CNTN5: variants seen among roughly 807,000 people sequenced by gnomAD.
CNTN5 encodes contactin 5.
A neutral mutation model predicts 129.1 loss-of-function variants in CNTN5; 77 were observed. The observed-to-expected ratio is 0.60, with a 90% CI of 0.50 to 0.72. The LOEUF is 0.72. Among genes scored for constraint, CNTN5 ranks in the 30% least tolerant of loss-of-function variants. CNTN5 has a pLI of 0.00. For synonymous variants in CNTN5, 509 were observed against 465.6 expected (o/e 1.09, Z -1.20); for missense variants, 1,478 against 1,328.8 (o/e 1.11, Z -1.75).
intron 2 of CNTN5, among the ~76,000 whole-genome samples, chr11:99,371,936 T>C (rs184149737): frequency 3.2e-4 from 49 of 152,362 alleles, no homozygotes; most frequent in African/African-American, 1.2e-3. Context: ...TACAAATTTA[T>C]GTACACATGG....
At chr11:100,004,046 TCCC>T (rs1940043512) in intron 9 of CNTN5, 1 of 152,174 alleles carries the variant, frequency 6.6e-6, no homozygotes, top group East Asian at 1.9e-4. Flanking sequence ...CACCATTTCA[TCCC>T]AACATAATCA....
At chr11:99,132,711 C>A (rs936405425) in intron 1 of CNTN5, among the ~76,000 whole-genome samples, 1 of 152,068 alleles carries the variant, frequency 6.6e-6, no homozygotes, top group Non-Finnish European at 1.5e-5. Flanking sequence ...AATGAAGGAC[C>A]TCTTCAAAGA....
intron 3 of CNTN5, among the ~76,000 whole-genome samples, chr11:99,611,500 A>G (rs998898873): frequency 6.6e-6 from 1 of 152,204 alleles, no homozygotes; most frequent in Non-Finnish European, 1.5e-5. Flanking sequence ...AATAAGAGTC[A>G]GTTCAAATTC....
rs1477261863 is a variant in CNTN5 at position 99,382,184 on chromosome 11, A to T, written c.-71+56700A>T. On this transcript the variant is annotated intron_variant, in intron 2 of 24. Transcript: ENST00000524871. ...TGACCTTAAAGCCAGGAAAGATAAT[A>T]GCATCCTTCCAGAACGTGTTGCTAA... is the stretch of plus-strand genomic sequence containing the variant. Among the ~76,000 whole-genome samples the T allele has an allele frequency of 2.6e-5, 4 of 152,198 alleles. No homozygotes were observed. The South Asian group carries it at 8.3e-4, about 32-fold the overall frequency.
At chr11:100,000,345 C>T (rs1241024878) in intron 8 of CNTN5, among the ~76,000 whole-genome samples, 1 of 152,072 alleles carries the variant, frequency 6.6e-6, no homozygotes, top group African/African-American at 2.4e-5. Context: ...AGGCCACAGG[C>T]CACATGCACA....
intron 2 of CNTN5, among the ~76,000 whole-genome samples, chr11:99,452,211 A>G (rs1446141273): frequency 6.6e-6 from 1 of 152,054 alleles, no homozygotes; most frequent in Non-Finnish European, 1.5e-5. Flanking sequence ...AAAATACTGT[A>G]TACAATTGAA....
At chr11:99,947,517 T>C (rs1950578785) in intron 7 of CNTN5, among the ~76,000 whole-genome samples, 1 of 152,142 alleles carries the variant, frequency 6.6e-6, no homozygotes, top group Non-Finnish European at 1.5e-5. Context: ...TAATGAGCAT[T>C]AGTTAAGCCA....
chr11:99,777,308 A>T (rs932847286), intron 3 of CNTN5, among the ~76,000 whole-genome samples: 1 of 151,832 alleles, frequency 6.6e-6, no homozygotes, highest in African/African-American at 2.4e-5. Flanking sequence ...CATGATTACA[A>T]ATGTTGTGCA....
chr11:99,479,451 G>A (rs1945505557), intron 2 of CNTN5, among the ~76,000 whole-genome samples: 1 of 151,878 alleles, frequency 6.6e-6, no homozygotes, highest in African/African-American at 2.4e-5. Flanking sequence ...ATAGAGCAGG[G>A]CTTTAAAACC....
intron 13 of CNTN5, among the ~76,000 whole-genome samples, chr11:100,119,107 A>AT (rs1395256818): frequency 4.0e-5 from 6 of 151,850 alleles, no homozygotes; most frequent in African/African-American, 1.4e-4. Flanking sequence ...GAACACTTAC[A>AT]TATGCCTCTT....
chr11:99,034,475 A>G (rs1863595156), intron 1 of CNTN5, among the ~76,000 whole-genome samples: 1 of 151,610 alleles, frequency 6.6e-6, no homozygotes, highest in Non-Finnish European at 1.5e-5. Flanking sequence ...CAGAGATTCA[A>G]CTTCTTCCTG....
chr11:99,348,476 C>T (rs1938063527), intron 2 of CNTN5, among the ~76,000 whole-genome samples: 1 of 152,166 alleles, frequency 6.6e-6, no homozygotes, highest in Non-Finnish European at 1.5e-5. Context: ...AATAAGTCTG[C>T]TGAGGTTAAG....
chr11:99,298,263 C>T (rs1864471244), intron 1 of CNTN5, among the ~76,000 whole-genome samples: 1 of 152,164 alleles, frequency 6.6e-6, no homozygotes, highest in Non-Finnish European at 1.5e-5. Flanking sequence ...AGCAGATTCA[C>T]AGAGACTCCA....
intron 21 of CNTN5, among the ~76,000 whole-genome samples, chr11:100,335,597 G>A (rs1011602779): frequency 3.9e-5 from 6 of 151,922 alleles, no homozygotes; most frequent in South Asian, 4.2e-4. Context: ...GTGAAACCTC[G>A]TCTCTATTAA....
intron 1 of CNTN5, 118 bp downstream of exon 1, chr11:99,021,388 T>C (rs1862863579): frequency 6.6e-6 from 1 of 152,218 alleles, no homozygotes. Context: ...CTTGCCATGT[T>C]GCCAGAATGT....
chr11:100,127,624 A>C (rs1946234406), intron 13 of CNTN5, among the ~76,000 whole-genome samples: 1 of 150,778 alleles, frequency 6.6e-6, no homozygotes, highest in Non-Finnish European at 1.5e-5. Context: ...AATGGTTCAT[A>C]AACAGACTTT....
At chr11:99,625,775 AGATATT>A (rs974245348) in intron 3 of CNTN5, among the ~76,000 whole-genome samples, 23 of 91,372 alleles carry the variant, frequency 2.5e-4, no homozygotes, top group South Asian at 3.1e-4. Context: ...TCAATTAAAA[AGATATT>A]GATTGAGAGA....
At chr11:99,996,627 G>T (rs1315204409) in intron 8 of CNTN5, among the ~76,000 whole-genome samples, 1 of 151,872 alleles carries the variant, frequency 6.6e-6, no homozygotes, top group African/African-American at 2.4e-5. Context: ...CCTCAAATAT[G>T]CATGTATTAG....
intron 21 of CNTN5, among the ~76,000 whole-genome samples, chr11:100,324,230 G>T (rs908201505): frequency 6.6e-6 from 1 of 152,230 alleles, no homozygotes; most frequent in Middle Eastern, 3.4e-3. Context: ...GCGGTGGGAA[G>T]GGAGTGGGCT....
Sources: allele counts gnomAD v4.1 joint callset (sites outside exome capture counted in the v4.1 genomes callset), GRCh38; gene constraint gnomAD v4.1.1; transcripts MANE v1.5; gene names NCBI Gene and HGNC (gene_info 2026-07-23, HGNC 2026-07-21).